KHDC1: variants seen among roughly 807,000 people sequenced by gnomAD.
The protein encoded by KHDC1 is KH homology domain-containing protein 1.
KHDC1 carries 21 observed loss-of-function variants against 24.7 expected under a neutral mutation model. The ratio of observed to expected loss-of-function variants is 0.85; its 90% CI spans 0.60 to 1.23. The LOEUF (loss-of-function observed/expected upper bound fraction) is 1.23, where lower values mean the gene tolerates loss of function less well. Ranked by LOEUF, KHDC1 falls within the 50% of genes most tolerant of loss-of-function variation. The pLI, the probability that KHDC1 is intolerant of heterozygous loss-of-function variation, is 0.00. For synonymous variants in KHDC1, 98 were observed against 111.7 expected (o/e 0.88, Z 0.77); for missense variants, 274 against 298.5 (o/e 0.92, Z 0.61).
intron 2 of KHDC1, among the ~76,000 whole-genome samples, chr6:73,277,112 T>C (rs1442311415): frequency 6.6e-6 from 1 of 152,198 alleles, no homozygotes; most frequent in East Asian, 1.9e-4. Flanking sequence ...GCTCTATAAA[T>C]TAAGTTTTCA....
chr6:73,273,776 G>A (rs375118531), intron 2 of KHDC1, among the ~76,000 whole-genome samples: 14 of 151,862 alleles, frequency 9.2e-5, no homozygotes, highest in African/African-American at 3.1e-4. Flanking sequence ...CCGAGATCAC[G>A]CCACTGCCCT....
intron 2 of KHDC1, among the ~76,000 whole-genome samples, chr6:73,265,528 C>CAAAAAAAAAA (rs70994179): frequency 1.3e-5 from 1 of 74,502 alleles, no homozygotes; most frequent in Non-Finnish European, 2.6e-5. Context: ...GACTCCGTCT[C>CAAAAAAAAAA]AAAAAAAAAA....
At chr6:73,292,247 G>T in intron 1 of KHDC1, 1 of 1,386,146 alleles carries the variant, frequency 7.2e-7, no homozygotes, top group Non-Finnish European at 1.0e-6. Context: ...GAAAATGTTT[G>T]AAGATCCAGA....
chr6:73,270,772 C>T (rs1351958390), intron 2 of KHDC1, among the ~76,000 whole-genome samples: 1 of 151,814 alleles, frequency 6.6e-6, no homozygotes, highest in African/African-American at 2.4e-5. Flanking sequence ...CTCACTGCAA[C>T]CTCCACCTCC....
intron 2 of KHDC1, among the ~76,000 whole-genome samples, chr6:73,283,439 G>A (rs1026048120): frequency 6.6e-6 from 1 of 151,768 alleles, no homozygotes; most frequent in Non-Finnish European, 1.5e-5. Flanking sequence ...GTTATATAGA[G>A]ACAGGGTCTC....
chr6:73,287,122 C>T (rs572142712), intron 2 of KHDC1, among the ~76,000 whole-genome samples: 12 of 152,028 alleles, frequency 7.9e-5, no homozygotes, highest in Non-Finnish European at 1.8e-4. Context: ...ACAAGAGGAC[C>T]CAGAAAATAT....
chr6:73,248,146 G>A (rs538292223), intron 2 of KHDC1, among the ~76,000 whole-genome samples: 39 of 152,266 alleles, frequency 2.6e-4, no homozygotes, highest in Admixed American at 1.4e-3. Context: ...GTAAGGCATC[G>A]AGACTGGCTA....
At chr6:73,267,486 AAAAAGAAAAAAG>A (rs1053351708) in intron 2 of KHDC1, among the ~76,000 whole-genome samples, 3 of 152,184 alleles carry the variant, frequency 2.0e-5, no homozygotes, top group East Asian at 1.9e-4. Context: ...CCATCTCAAA[AAAAAGAAAAAAG>A]AAAAGAAAAA....
Position 73,284,223 on chromosome 6 carries a change from C to T in KHDC1, c.206+7775G>A, listed in dbSNP as rs76582685. On this transcript the variant is annotated intron_variant, in intron 2 of 4. Coordinates refer to ENST00000370384, the Ensembl canonical transcript of KHDC1. ...AAATGTAGGCATAGTTTTTGTAATC[C>T]CTTACTGCTCAGAAGGTATGTGGTC... is the stretch of plus-strand genomic sequence containing the variant. 1.9e-3 allele frequency among the ~76,000 whole-genome samples: 292 copies of T among 152,284 alleles called. 6 individuals carry two copies. In the East Asian group the frequency reaches 0.046, roughly 24 times the overall value.
intron 1 of KHDC1, among the ~76,000 whole-genome samples, chr6:73,302,323 G>A (rs985837167): frequency 1.3e-5 from 2 of 152,046 alleles, no homozygotes; most frequent in African/African-American, 4.8e-5. Context: ...AAGAAAATCT[G>A]GAATGAATCA....
At chr6:73,248,943 C>A (rs200594492) in intron 2 of KHDC1, among the ~76,000 whole-genome samples, 160 of 137,232 alleles carry the variant, frequency 1.2e-3, no homozygotes, top group East Asian at 1.7e-3. Flanking sequence ...TGTTGGGAGT[C>A]AAAAAAAAAA....
In KHDC1 at chr6:73,293,967, T is replaced by C. The variant is rs1304769829; in HGVS notation, c.164-1927A>G. The stretch of plus-strand genomic sequence containing the variant: ...GTTGCAGTGAGCCAAGATCACGCCA[T>C]TGCACTCCAGCCTGGGCAACAGAGT... On this transcript the variant is annotated intron_variant, in intron 1 of 4. Coordinates refer to ENST00000370384, the Ensembl canonical transcript of KHDC1. 2.7e-5 allele frequency among the ~76,000 whole-genome samples: 4 copies of C among 148,888 alleles called. 1 individual carries two copies. The highest frequency in any genetic ancestry group is 4.9e-5 in the African/African-American group (2 of 40,572).
rs1370233861 is a variant in KHDC1, at chr6:73,292,645, GATA to G, written c.164-608_164-606del. ...TTTCTTCAATCACCCCAAAGGTTGT[GATA>G]ATATTGTTGATCTCTTCCTTTACCA... On this transcript the variant is annotated intron_variant, in intron 1 of 4. Transcript: ENST00000370384. The G allele has an allele frequency of 1.6e-5, 12 of 756,030 alleles. No homozygotes were observed. In the South Asian group the frequency reaches 1.6e-4, roughly 10 times the overall value. The allele number at this position is 756,030 out of a possible 1,614,324, so 46.8% of individuals were successfully genotyped here.
intron 2 of KHDC1, among the ~76,000 whole-genome samples, chr6:73,285,063 T>G (rs1767495185): frequency 6.6e-6 from 1 of 152,172 alleles, no homozygotes; most frequent in African/African-American, 2.4e-5. Context: ...CAGGCTAGTC[T>G]CGAACTGCTG....
At chr6:73,290,888 A>G (rs984914868) in intron 2 of KHDC1, 13 of 361,132 alleles carry the variant, frequency 3.6e-5, no homozygotes, top group Non-Finnish European at 5.9e-5. Flanking sequence ...GGATATTGTC[A>G]TCCCATGCAA....
intron 1 of KHDC1, among the ~76,000 whole-genome samples, chr6:73,295,870 G>A (rs755853180): frequency 1.9e-4 from 28 of 149,432 alleles, no homozygotes; most frequent in Admixed American, 6.0e-4. Flanking sequence ...GGCGGGGCAC[G>A]GTGGCTCACG....
intron 2 of KHDC1, among the ~76,000 whole-genome samples, chr6:73,265,823 A>T (rs1353655790): frequency 1.3e-5 from 2 of 152,160 alleles, no homozygotes; most frequent in Non-Finnish European, 2.9e-5. Context: ...GCAGTGGCTC[A>T]TACCTGTAAT....
rs182331688 is a variant in KHDC1 at position 73,245,247 on chromosome 6, T to C, written c.207-2717A>G. Reference sequence around the variant, plus strand: ...GATCGTCTTCTTCTAAAGATCATTGTTCTGGAAGATACTTAAGAATCCTCA... The same window carrying C: ...GATCGTCTTCTTCTAAAGATCATTGCTCTGGAAGATACTTAAGAATCCTCA... On this transcript the variant is annotated intron_variant, in intron 2 of 4. Transcript: ENST00000370384. Among the ~76,000 whole-genome samples, 250 of 152,368 alleles carry C rather than the reference T, an allele frequency of 1.6e-3. 3 individuals are homozygous for C. The highest frequency in any genetic ancestry group is 1.2e-3 in the Non-Finnish European group (83 of 68,036).
chr6:73,242,287 G>C (rs1312206483), intron 3 of KHDC1, 50 bp from the exon 3 acceptor site: 1 of 1,604,040 alleles, frequency 6.2e-7, no homozygotes, highest in Non-Finnish European at 8.5e-7. Flanking sequence ...CAGCCCTTAG[G>C]GAATGGGGAG....
Sources: gnomAD v4.1 joint callset for allele counts (sites outside exome capture counted in the v4.1 genomes callset) on GRCh38, gnomAD v4.1.1 for gene constraint, MANE v1.5 for transcripts, NCBI Gene and HGNC (gene_info 2026-07-23, HGNC 2026-07-21) for gene names.